FER1L5: variants seen among roughly 807,000 people sequenced by gnomAD.
FER1L5 encodes fer-1-like protein 5.
FER1L5 carries 187 observed loss-of-function variants against 279.9 expected under a neutral mutation model. The observed-to-expected ratio is 0.67, with a 90% CI of 0.59 to 0.75. The LOEUF (loss-of-function observed/expected upper bound fraction) is 0.75. Among genes scored for constraint, FER1L5 ranks in the 30% least tolerant of loss-of-function variants. The probability of loss-of-function intolerance (pLI) is 0.00; values close to 1 mark genes in which losing one functional copy is unlikely to be tolerated. For synonymous variants in FER1L5, 921 were observed against 989.7 expected, an observed-to-expected ratio of 0.93 and a Z score of 1.30; for missense variants, 2,091 against 2,594.4, an observed-to-expected ratio of 0.81 and a Z score of 4.21.
At chr2:96,657,064 T>TA in intron 9 of FER1L5, among the ~76,000 whole-genome samples, 1 of 133,262 alleles carries the variant, frequency 7.5e-6, no homozygotes, top group South Asian at 3.9e-4. Context: ...TATTTTTTAA[T>TA]TTATATATAT....
rs1200235478 is a variant in FER1L5 at position 96,694,146 on chromosome 2, G to A, written c.3636+74G>A. ...CCCCGTCCCACCCCCAGCCAGCGGG[G>A]GCCAACTCCACCCTGTCAGGAAATG... On this transcript the variant is annotated intron_variant, in intron 33 of 52. Transcript: ENST00000624922. The surrounding 1 kb of genome is among the most constrained non-coding windows in gnomAD (Gnocchi z 4.6). 4.1e-6 allele frequency: 6 copies of A among 1,478,028 alleles called. No individual in the cohort carries two copies. Among genetic ancestry groups the A allele is most frequent in the Non-Finnish European group, 5.4e-6 (6 of 1,115,180 alleles). 91.6% of individuals were successfully genotyped at this position (1,478,028 alleles called of 1,614,324 possible).
Position 96,699,924 on chromosome 2 carries a change from C to G in FER1L5, c.4782-8C>G. The G allele has an allele frequency of 6.2e-7, 1 of 1,613,260 alleles. No homozygotes were observed. The highest frequency in any genetic ancestry group is 8.5e-7 in the Non-Finnish European group (1 of 1,179,592). On this transcript the variant is annotated splice_region_variant and splice_polypyrimidine_tract_variant and intron_variant, in intron 43 of 52. Transcript: ENST00000624922. ...CCTCCAGACCTCTTCCTCTCACATC[C>G]CCCACAGGTCAGGGCCCTTTAGATG...
At position 96,662,257 on chromosome 2, in the gene FER1L5, T is replaced by C. The variant is rs4907201; in HGVS notation, c.1061T>C (p.Ile354Thr). ...SVNPQLEVEL[I>T]GEKLRTHMQT... ...AATCCTCAGTTGGAGGTGGAACTAA[T>C]TGGGGAAAAGGTAAGTGTAGAAATA... Residue 354 changes from isoleucine (I) to threonine (T), a missense_variant, in exon 13 of 53, where the codon ATT becomes ACT. Ile to Thr is a moderately conservative substitution (Grantham distance 89). Transcript: ENST00000624922. 2.6e-3 allele frequency: 3,976 copies of C among 1,551,522 alleles called. 173 individuals carry two copies. In the Admixed American group the frequency reaches 0.07, roughly 27 times the overall value.
At chr2:96,672,090 T>C (rs1334654873) in intron 18 of FER1L5, among the ~76,000 whole-genome samples, 1 of 152,122 alleles carries the variant, frequency 6.6e-6, no homozygotes, top group Non-Finnish European at 1.5e-5. Flanking sequence ...TAAAAAAATT[T>C]TTTTTGAGAT....
Position 96,702,142 on chromosome 2 carries a change from T to C in FER1L5, c.5159+99T>C. ...TCAGGTACTGAGCTGCAGTAATTCG[T>C]TTCTCTATTGGGAAGAGAGGAAGCT... is the stretch of plus-strand genomic sequence containing the variant. On this transcript the variant is annotated intron_variant, in intron 46 of 52. Coordinates refer to ENST00000624922, the MANE Select transcript of FER1L5 (RefSeq NM_001293083.2). This position sits in a 1 kb window ranked among gnomAD's most constrained non-coding sequence, Gnocchi z 4.0. 8.3e-6 allele frequency: 13 copies of C among 1,572,038 alleles called. No homozygotes were observed. The highest frequency in any genetic ancestry group is 1.1e-5 in the Non-Finnish European group (13 of 1,153,914).
chr2:96,691,526 C>G lies in FER1L5; in HGVS notation c.2989C>G (p.Arg997Gly). ...CCACCTCAACCCTCAGCCCCAGAGCCGGTTCCGCCGCCGCTGCTGGCGCCG... is the reference window on the plus strand; with the variant it reads ...CCACCTCAACCCTCAGCCCCAGAGCGGGTTCCGCCGCCGCTGCTGGCGCCG... ...KFHLNPQPQS[R>G]FRRRCWRRRL... Residue 997 changes from arginine (R) to glycine (G), a missense_variant, in exon 29 of 53, where the codon CGG (arginine) becomes GGG (glycine). Coordinates refer to ENST00000624922, the MANE Select transcript of FER1L5 (RefSeq NM_001293083.2). The surrounding 1 kb of genome is among the most constrained non-coding windows in gnomAD (Gnocchi z 6.0). 8 of 1,550,232 alleles carry G rather than the reference C, an allele frequency of 5.2e-6. No homozygotes were observed. The highest frequency in any genetic ancestry group is 7.0e-6 in the Non-Finnish European group (8 of 1,146,568).
chr2:96,702,903 T>C lies in FER1L5; in HGVS notation c.5398-75T>C. Reference sequence around the variant, plus strand: ...TCCTTGATAGTCTATCACTGCTGGGTGGAGGGCCACTGAGGGGTGCAAGGG... The same window carrying C: ...TCCTTGATAGTCTATCACTGCTGGGCGGAGGGCCACTGAGGGGTGCAAGGG... On this transcript the variant is annotated intron_variant, in intron 48 of 52. Coordinates refer to ENST00000624922, the MANE Select transcript of FER1L5 (RefSeq NM_001293083.2). The surrounding 1 kb of genome is among the most constrained non-coding windows in gnomAD (Gnocchi z 4.0). 1 of 1,541,836 alleles carries C rather than the reference T, an allele frequency of 6.5e-7. No individual in the cohort carries two copies. Among genetic ancestry groups the C allele is most frequent in the Non-Finnish European group, 8.8e-7 (1 of 1,136,082 alleles).
At chr2:96,654,271 C>T in intron 8 of FER1L5, 175 bp from the exon 9 acceptor site, 1 of 389,446 alleles carries the variant, frequency 2.6e-6, no homozygotes, top group Non-Finnish European at 4.5e-6. Context: ...AAATCTGAAC[C>T]TCACAGGGTT....
At chr2:96,671,106 CA>C (rs750341048) in intron 18 of FER1L5, among the ~76,000 whole-genome samples, 62 of 40,222 alleles carry the variant, frequency 1.5e-3, no homozygotes, top group Admixed American at 2.9e-3. Flanking sequence ...GACTCCATCT[CA>C]AAAAAAAAAA....
chr2:96,704,457 G>T lies in FER1L5; in HGVS notation c.5950-11G>T, dbSNP rs1218868378. The T allele has an allele frequency of 6.2e-7, 1 of 1,613,850 alleles. No individual in the cohort carries two copies. The highest frequency in any genetic ancestry group is 1.7e-5 in the Admixed American group (1 of 60,016). On this transcript the variant is annotated splice_polypyrimidine_tract_variant and intron_variant, in intron 52 of 52. Transcript: ENST00000624922. ...TGCCACCCCAGGCTAACTGTTGTCT[G>T]TTCTCTCTAGCACTATTTGGCCATG...
chr2:96,650,056 G>A, intron 5 of FER1L5, 124 bp from the exon 6 acceptor site: 2 of 732,960 alleles, frequency 2.7e-6, no homozygotes, highest in Non-Finnish European at 4.7e-6. Context: ...GTCACTGTTG[G>A]GGCCTCTTGG....
intron 14 of FER1L5, among the ~76,000 whole-genome samples, 182 bp from the exon 15 acceptor site, chr2:96,668,569 C>T (rs889109021): frequency 6.6e-6 from 1 of 152,072 alleles, no homozygotes; most frequent in Non-Finnish European, 1.5e-5. Flanking sequence ...AAACAAGAGG[C>T]CCTAAAGCCA....
chr2:96,654,125 G>A, intron 8 of FER1L5: 1 of 292,462 alleles, frequency 3.4e-6, no homozygotes, highest in East Asian at 5.9e-5. Context: ...TACTGTTCTT[G>A]GGAACAAAGG....
At chr2:96,667,375 T>A (rs2076162334) in intron 14 of FER1L5, among the ~76,000 whole-genome samples, 1 of 151,420 alleles carries the variant, frequency 6.6e-6, no homozygotes, top group Non-Finnish European at 1.5e-5. Context: ...GAGACGGAGT[T>A]TCGCTCTTGT....
intron 4 of FER1L5, 109 bp from the exon 5 acceptor site, chr2:96,649,513 GC>G: frequency 1.0e-6 from 1 of 992,460 alleles, no homozygotes; most frequent in Non-Finnish European, 1.5e-6. Flanking sequence ...TAGCATCACG[GC>G]CCCCACCAGG....
intron 19 of FER1L5, among the ~76,000 whole-genome samples, chr2:96,676,080 A>G (rs2076500154): frequency 6.6e-6 from 1 of 152,178 alleles, no homozygotes; most frequent in Non-Finnish European, 1.5e-5. Flanking sequence ...TAATTTTTGC[A>G]TATGGTATGA....
intron 19 of FER1L5, among the ~76,000 whole-genome samples, chr2:96,678,151 A>G (rs1251813205): frequency 6.6e-6 from 1 of 151,322 alleles, no homozygotes; most frequent in Non-Finnish European, 1.5e-5. Context: ...TTGAGACCGA[A>G]TCTCGCTCTG....
chr2:96,646,062 G>A (rs2075114626), intron 1 of FER1L5, among the ~76,000 whole-genome samples: 2 of 147,740 alleles, frequency 1.4e-5, no homozygotes, highest in South Asian at 4.3e-4. Context: ...GCAGTGGCGG[G>A]ATCTCAGCTC....
rs1553449027 is a variant in FER1L5, at chr2:96,659,290, T to TTCCTTCCTTCCTTCCTTCC, written c.748-1050_748-1049insCCTTCCTTCCTTCCTTCCT. Reference sequence around the variant, plus strand: ...TTTGATGAAGTCCAATTTATCAAGCTTTCCTTCCTTCCTTCCTTCCTTCCT... The same window carrying TTCCTTCCTTCCTTCCTTCC: ...TTTGATGAAGTCCAATTTATCAAGCTTCCTTCCTTCCTTCCTTCCTTCCTTCCTTCCTTCCTTCCTTCCT... On this transcript the variant is annotated intron_variant, in intron 9 of 52. Transcript: ENST00000624922. Among the ~76,000 whole-genome samples, 69 of 81,034 alleles carry TTCCTTCCTTCCTTCCTTCC rather than the reference T, an allele frequency of 8.5e-4. 4 individuals carry two copies. The highest frequency in any genetic ancestry group is 3.5e-3 in the East Asian group (11 of 3,106). The allele number at this position is 81,034 out of a possible 152,430, so 53.2% of individuals were successfully genotyped here. A position where few individuals can be genotyped will look rare whatever the true frequency, so the allele number is the denominator to read the frequency against.
Sources: allele counts gnomAD v4.1 joint callset (sites outside exome capture counted in the v4.1 genomes callset), GRCh38; gene constraint gnomAD v4.1.1; non-coding constraint Gnocchi (gnomAD v3.1); transcripts MANE v1.5; gene names NCBI Gene and HGNC (gene_info 2026-07-23, HGNC 2026-07-21).